The following FRMD4A variants were observed in gnomAD, a reference collection of about 807,000 sequenced individuals.
FRMD4A encodes FERM domain-containing protein 4A.
Under a neutral mutation model 129.1 loss-of-function variants are expected in FRMD4A, and 29 were observed. The ratio of observed to expected loss-of-function variants is 0.22; its 90% CI spans 0.17 to 0.31. The LOEUF (loss-of-function observed/expected upper bound fraction) is 0.31. Ranked by LOEUF, FRMD4A falls within the 10% of genes least tolerant of loss-of-function variation. The pLI is 1.00. For missense variants in FRMD4A, 1,272 were observed against 1,375.8 expected, an observed-to-expected ratio of 0.92 and a Z score of 1.19; for synonymous variants, 634 against 571.6, an observed-to-expected ratio of 1.11 and a Z score of -1.56.
At chr10:13,698,787 A>G (rs1265567789) in intron 14 of FRMD4A, among the ~76,000 whole-genome samples, 1 of 152,188 alleles carries the variant, frequency 6.6e-6, no homozygotes, top group Non-Finnish European at 1.5e-5. Flanking sequence ...AGAGGCCTCC[A>G]ATTCCCACAT....
chr10:14,117,279 G>A (rs1838247285), intron 2 of FRMD4A, among the ~76,000 whole-genome samples: 1 of 152,204 alleles, frequency 6.6e-6, no homozygotes, highest in African/African-American at 2.4e-5. Context: ...CATGTGACAG[G>A]CACTGAAGAA....
intron 15 of FRMD4A, among the ~76,000 whole-genome samples, chr10:13,686,755 CCT>C (rs780472308): frequency 6.6e-6 from 1 of 152,168 alleles, no homozygotes; most frequent in Non-Finnish European, 1.5e-5. Context: ...ACAACATATC[CCT>C]TAGTTTTACA....
intron 3 of FRMD4A, among the ~76,000 whole-genome samples, chr10:13,832,160 G>GA (rs1344165621): frequency 8.8e-6 from 1 of 114,280 alleles, no homozygotes; most frequent in African/African-American, 4.0e-5. Context: ...CCAGCTCACC[G>GA]GGGGTGAACT....
rs756408551 is a variant in FRMD4A at position 13,762,659 on chromosome 10, C to T, written c.406G>A (p.Glu136Lys). ...IYKELIDVDS[E>K]VVFELASYIL... ...TAGGAAGCTAATTCAAACACCACTT[C>T]GCTGTCAACGTCAATAAGCTCCTGA... Residue 136 changes from glutamate to lysine, a missense_variant, in exon 7 of 25, where the codon GAA becomes AAA. Transcript: ENST00000357447. 6 of 1,608,254 alleles carry T rather than the reference C, an allele frequency of 3.7e-6. No homozygotes were observed. The highest frequency in any genetic ancestry group is 1.7e-5 in the Admixed American group (1 of 59,980).
At chr10:14,296,186 C>G (rs544924859) in intron 2 of FRMD4A, among the ~76,000 whole-genome samples, 1 of 152,124 alleles carries the variant, frequency 6.6e-6, no homozygotes, top group Non-Finnish European at 1.5e-5. Flanking sequence ...AGCCCTTTAT[C>G]GGGTGAGAAT....
chr10:14,016,065 G>C (rs1229141737), intron 2 of FRMD4A, among the ~76,000 whole-genome samples: 1 of 152,190 alleles, frequency 6.6e-6, no homozygotes, highest in South Asian at 2.1e-4. Context: ...CTCAAACTCA[G>C]CTCCTCTCTG....
intron 15 of FRMD4A, chr10:13,684,536 C>G (rs577133181): frequency 1.0e-6 from 1 of 985,224 alleles, no homozygotes; most frequent in African/African-American, 1.7e-5. Flanking sequence ...GCTCTCCTCC[C>G]GGCCGGCAGA....
chr10:14,281,787 C>A (rs552857591), intron 2 of FRMD4A, among the ~76,000 whole-genome samples: 2 of 152,272 alleles, frequency 1.3e-5, no homozygotes, highest in South Asian at 4.1e-4. Flanking sequence ...GCCTTCTGAG[C>A]CAAAACCACC....
At chr10:14,018,094 G>C (rs1452127701) in intron 2 of FRMD4A, among the ~76,000 whole-genome samples, 1 of 152,034 alleles carries the variant, frequency 6.6e-6, no homozygotes, top group Non-Finnish European at 1.5e-5. Flanking sequence ...ATAGACTGTT[G>C]ACATGAAAAT....
intron 3 of FRMD4A, among the ~76,000 whole-genome samples, chr10:13,854,681 C>T (rs936019706): frequency 2.0e-5 from 3 of 151,856 alleles, no homozygotes; most frequent in Non-Finnish European, 2.9e-5. Context: ...ATCCACTCTC[C>T]TTGGCCTCCC....
chr10:14,007,251 C>T (rs2131630146), intron 2 of FRMD4A: 1 of 152,222 alleles, frequency 6.6e-6, no homozygotes, highest in East Asian at 1.9e-4. Context: ...AAGGACTTGC[C>T]ACAATTCAAA....
intron 2 of FRMD4A, among the ~76,000 whole-genome samples, chr10:13,973,479 C>A (rs1203204730): frequency 6.6e-6 from 1 of 152,156 alleles, no homozygotes; most frequent in Non-Finnish European, 1.5e-5. Context: ...AGCTACCTCA[C>A]CTGGCCCATT....
At chr10:14,243,437 C>T (rs1844121207) in intron 2 of FRMD4A, among the ~76,000 whole-genome samples, 1 of 152,168 alleles carries the variant, frequency 6.6e-6, no homozygotes, top group East Asian at 1.9e-4. Flanking sequence ...TTCCTGAGGC[C>T]TCCCCAGTCA....
intron 2 of FRMD4A, among the ~76,000 whole-genome samples, chr10:14,119,751 C>G (rs1464289266): frequency 6.6e-6 from 1 of 152,134 alleles, no homozygotes; most frequent in African/African-American, 2.4e-5. Context: ...TTCCAAGGGA[C>G]TTATTTGGGG....
At chr10:13,934,898 A>G (rs1409482088) in intron 2 of FRMD4A, among the ~76,000 whole-genome samples, 2 of 152,148 alleles carry the variant, frequency 1.3e-5, no homozygotes, top group Admixed American at 1.3e-4. Flanking sequence ...GGGGGCTGGG[A>G]AGTCCAAGAT....
At chr10:13,818,226 G>T (rs2093575467) in intron 3 of FRMD4A, among the ~76,000 whole-genome samples, 1 of 112,620 alleles carries the variant, frequency 8.9e-6, no homozygotes, top group Non-Finnish European at 1.9e-5. Context: ...GTGCAGTGGT[G>T]CCATAATATC....
intron 6 of FRMD4A, among the ~76,000 whole-genome samples, chr10:13,777,501 T>C (rs1245403855): frequency 6.6e-6 from 1 of 152,126 alleles, no homozygotes. Context: ...CAAGGAAAGA[T>C]TTTGAGAAGA....
At position 13,695,494 on chromosome 10, in the gene FRMD4A, A is replaced by G. The variant is rs73592220; in HGVS notation, c.976-1455T>C. Among the ~76,000 whole-genome samples the G allele has an allele frequency of 7.1e-3, 1,083 of 152,284 alleles. 14 individuals are homozygous for G. Among genetic ancestry groups the G allele is most frequent in the African/African-American group, 0.024 (1,015 of 41,562 alleles). On this transcript the variant is annotated intron_variant, in intron 14 of 24. Coordinates refer to ENST00000357447, the MANE Select transcript of FRMD4A (RefSeq NM_018027.5). ...TCCAGTTTCTACCTTCGGTAGTGAC[A>G]ATGTGTTTGTTTGCATTTCCCACAC...
At chr10:13,837,967 A>G (rs931955079) in intron 3 of FRMD4A, among the ~76,000 whole-genome samples, 1 of 152,250 alleles carries the variant, frequency 6.6e-6, no homozygotes, top group African/African-American at 2.4e-5. Flanking sequence ...ATGGAGGAAG[A>G]AAGCAGGCTT....
Sources: allele counts gnomAD v4.1 joint callset (sites outside exome capture counted in the v4.1 genomes callset), GRCh38; gene constraint gnomAD v4.1.1; transcripts MANE v1.5; gene names NCBI Gene and HGNC (gene_info 2026-07-23, HGNC 2026-07-21).